PRKG1: variants seen among roughly 807,000 people sequenced by gnomAD.
PRKG1 encodes cGMP-dependent protein kinase 1.
Under a neutral mutation model 88.1 loss-of-function variants are expected in PRKG1, and 35 were observed. That is an observed-to-expected ratio of 0.40 (90% CI 0.30 to 0.53). PRKG1 has a LOEUF of 0.53. PRKG1 is among the 20% of genes least tolerant of loss of function. The probability of loss-of-function intolerance (pLI) is 0.59; values close to 1 mark genes in which losing one functional copy is unlikely to be tolerated. For synonymous variants in PRKG1, 303 were observed against 292.5 expected, an observed-to-expected ratio of 1.04 and a Z score of -0.37; for missense variants, 540 against 839.8, an observed-to-expected ratio of 0.64 and a Z score of 4.41.
chr10:51,399,691 C>T (rs1427735809), intron 2 of PRKG1, among the ~76,000 whole-genome samples: 3 of 152,162 alleles, frequency 2.0e-5, no homozygotes, highest in African/African-American at 7.2e-5. Flanking sequence ...CAACCTGAGG[C>T]ACATACTCTG....
chr10:51,501,389 G>A lies in PRKG1; in HGVS notation c.592+33553G>A, dbSNP rs1045718954. On this transcript the variant is annotated intron_variant, in intron 3 of 17. Transcript: ENST00000373980. ...AGATCATAATTTCGAAGTTCAGGGA[G>A]AAGAAGGTTTCTGCGGGTATCTGCT... 5.3e-5 allele frequency among the ~76,000 whole-genome samples: 8 copies of A among 152,106 alleles called. No homozygotes were observed. In the South Asian group the frequency reaches 8.3e-4, roughly 16 times the overall value.
intron 3 of PRKG1, among the ~76,000 whole-genome samples, chr10:51,571,564 A>G (rs976070724): frequency 8.6e-5 from 13 of 151,908 alleles, no homozygotes; most frequent in African/African-American, 3.1e-4. Context: ...CCCTTTTAAG[A>G]GAAGCAGGAA....
chr10:51,423,646 G>A (rs927287359), intron 2 of PRKG1, among the ~76,000 whole-genome samples: 8 of 152,018 alleles, frequency 5.3e-5, no homozygotes, highest in African/African-American at 1.9e-4. Context: ...TCCTCAATAT[G>A]AATAACAATT....
intron 3 of PRKG1, among the ~76,000 whole-genome samples, chr10:51,557,777 C>G (rs1209774794): frequency 6.6e-6 from 1 of 152,022 alleles, no homozygotes; most frequent in Non-Finnish European, 1.5e-5. Context: ...GAGTGTGGTT[C>G]TCATCTAGCT....
chr10:51,039,454 G>A (rs762192363), intron 1 of PRKG1, among the ~76,000 whole-genome samples: 1 of 152,080 alleles, frequency 6.6e-6, no homozygotes, highest in Non-Finnish European at 1.5e-5. Flanking sequence ...CTACACAGTT[G>A]TTTGAGCTCC....
chr10:51,932,498 T>G (rs1037156245), intron 5 of PRKG1, among the ~76,000 whole-genome samples: 1 of 152,136 alleles, frequency 6.6e-6, no homozygotes, highest in Non-Finnish European at 1.5e-5. Flanking sequence ...AACACCCACC[T>G]AGGAAGTTGG....
At chr10:51,648,958 C>T (rs1839977444) in intron 3 of PRKG1, among the ~76,000 whole-genome samples, 2 of 152,096 alleles carry the variant, frequency 1.3e-5, no homozygotes, top group South Asian at 2.1e-4. Flanking sequence ...AATCCCAACA[C>T]TTTGGTAGGA....
At chr10:52,244,960 A>T (rs1032822210) in intron 9 of PRKG1, among the ~76,000 whole-genome samples, 1 of 145,358 alleles carries the variant, frequency 6.9e-6, no homozygotes, top group Admixed American at 7.0e-5. Flanking sequence ...AAATATATTT[A>T]AAAATATTAA....
intron 4 of PRKG1, among the ~76,000 whole-genome samples, chr10:51,889,117 T>A (rs1399054888): frequency 2.6e-5 from 4 of 151,774 alleles, no homozygotes; most frequent in Non-Finnish European, 4.4e-5. Context: ...TGTGCAGGTT[T>A]GTTACATATG....
intron 4 of PRKG1, among the ~76,000 whole-genome samples, chr10:51,832,906 T>A (rs1266873334): frequency 3.3e-5 from 5 of 152,050 alleles, no homozygotes; most frequent in Admixed American, 3.3e-4. Context: ...TCTATCTGGG[T>A]TTAATGCTCT....
chr10:51,145,706 A>T (rs1199058856), intron 1 of PRKG1, among the ~76,000 whole-genome samples: 1 of 152,186 alleles, frequency 6.6e-6, no homozygotes, highest in East Asian at 1.9e-4. Context: ...ACCTAAAAGA[A>T]CAACAATTTT....
intron 3 of PRKG1, among the ~76,000 whole-genome samples, chr10:51,514,004 A>AT (rs1841499124): frequency 7.4e-6 from 1 of 134,764 alleles, no homozygotes; most frequent in Non-Finnish European, 1.6e-5. Context: ...ATCAGAGCAG[A>AT]ACTGAAGGAA....
At chr10:52,003,678 A>G (rs568134388) in intron 5 of PRKG1, among the ~76,000 whole-genome samples, 6 of 152,356 alleles carry the variant, frequency 3.9e-5, no homozygotes, top group African/African-American at 1.4e-4. Context: ...GGGAAGCTAC[A>G]GAAGAGAAAG....
chr10:51,327,383 C>T (rs1471813138), intron 2 of PRKG1, among the ~76,000 whole-genome samples: 2 of 148,798 alleles, frequency 1.3e-5, no homozygotes, highest in Admixed American at 1.4e-4. Flanking sequence ...CACCACTGTA[C>T]TCCAGTCTGG....
chr10:52,225,848 G>T (rs1194062279), intron 9 of PRKG1, among the ~76,000 whole-genome samples: 1 of 151,986 alleles, frequency 6.6e-6, no homozygotes, highest in Admixed American at 6.6e-5. Flanking sequence ...TGGTCTATGT[G>T]CCTTTTTTTG....
At chr10:51,875,948 C>T (rs867339608) in intron 4 of PRKG1, among the ~76,000 whole-genome samples, 11 of 118,478 alleles carry the variant, frequency 9.3e-5, no homozygotes, top group South Asian at 2.9e-4. Context: ...TCTTTTCTTT[C>T]TTTCTTTTTT....
rs554026453 is a variant in PRKG1 at position 51,943,713 on chromosome 10, G to A, written c.762+36143G>A. On this transcript the variant is annotated intron_variant, in intron 5 of 17. Transcript: ENST00000373980. ...CTTTTCTGCATCTATTCAGATAATC[G>A]TGTGGTTTTTGTCTTTGGTTCTGTT... 2.2e-3 allele frequency among the ~76,000 whole-genome samples: 332 copies of A among 152,016 alleles called. 5 individuals carry two copies. The highest frequency in any genetic ancestry group is 6.7e-3 in the African/African-American group (277 of 41,418).
chr10:52,272,044 C>G (rs1347820909), intron 11 of PRKG1, among the ~76,000 whole-genome samples: 1 of 152,066 alleles, frequency 6.6e-6, no homozygotes, highest in East Asian at 1.9e-4. Context: ...GTTTAATCCA[C>G]TTTATTCCCA....
intron 3 of PRKG1, among the ~76,000 whole-genome samples, chr10:51,575,327 A>G (rs1837858549): frequency 6.6e-6 from 1 of 152,006 alleles, no homozygotes. Flanking sequence ...GTAAGATTCC[A>G]GTAAGACCAA....
Sources: allele counts gnomAD v4.1 joint callset (sites outside exome capture counted in the v4.1 genomes callset), GRCh38; gene constraint gnomAD v4.1.1; transcripts MANE v1.5; gene names NCBI Gene and HGNC (gene_info 2026-07-23, HGNC 2026-07-21).